Variants in NALF1 observed in about 807,000 individuals in gnomAD.
NALF1 encodes the protein NALCN channel auxiliary factor 1, also known as family with sequence similarity 155 member A.
A neutral mutation model predicts 48.4 loss-of-function variants in NALF1; 3 were observed. The ratio of observed to expected loss-of-function variants is 0.06; its 90% CI spans 0.03 to 0.16. NALF1 has a LOEUF of 0.16. Ranked by LOEUF, NALF1 falls within the 10% of genes least tolerant of loss-of-function variation. The pLI is 1.00. For synonymous variants in NALF1, 262 were observed against 245.7 expected (o/e 1.07, Z -0.62); for missense variants, 526 against 571.5 (o/e 0.92, Z 0.81).
chr13:107,326,098 T>TA (rs1335834077), intron 1 of NALF1, among the ~76,000 whole-genome samples: 5 of 151,066 alleles, frequency 3.3e-5, no homozygotes, highest in South Asian at 2.1e-4. Context: ...AACAATTTTT[T>TA]TAAAAAAATC....
intron 1 of NALF1, among the ~76,000 whole-genome samples, chr13:107,773,201 A>T (rs1315898087): frequency 6.6e-6 from 1 of 152,182 alleles, no homozygotes; most frequent in Non-Finnish European, 1.5e-5. Context: ...AGTCTGACAT[A>T]TTTTACCTTG....
intron 1 of NALF1, among the ~76,000 whole-genome samples, chr13:107,790,359 C>T (rs1878195327): frequency 6.6e-6 from 1 of 151,952 alleles, no homozygotes; most frequent in African/African-American, 2.4e-5. Flanking sequence ...TTGAAGAAAG[C>T]ATAAAGGGTG....
At chr13:107,662,820 C>T (rs112545188) in intron 1 of NALF1, among the ~76,000 whole-genome samples, 74 of 152,206 alleles carry the variant, frequency 4.9e-4, no homozygotes, top group African/African-American at 1.7e-3. Flanking sequence ...TTTACAGAGG[C>T]TCAATGAACA....
chr13:107,196,190 C>T (rs1879388041), intron 2 of NALF1, among the ~76,000 whole-genome samples: 1 of 152,136 alleles, frequency 6.6e-6, no homozygotes, highest in Middle Eastern at 3.2e-3. Flanking sequence ...GGAAAAATAA[C>T]TAATGGGTAC....
At chr13:107,620,056 C>T (rs1228983775) in intron 1 of NALF1, among the ~76,000 whole-genome samples, 1 of 152,024 alleles carries the variant, frequency 6.6e-6, no homozygotes, top group East Asian at 1.9e-4. Context: ...TGGTGTTTTC[C>T]AATTGGCTTT....
At chr13:107,627,185 T>C (rs1879696546) in intron 1 of NALF1, among the ~76,000 whole-genome samples, 1 of 152,122 alleles carries the variant, frequency 6.6e-6, no homozygotes. Flanking sequence ...AGGAAAGTTT[T>C]AATTACATAG....
At chr13:107,299,468 T>C (rs1281196934) in intron 1 of NALF1, among the ~76,000 whole-genome samples, 1 of 59,210 alleles carries the variant, frequency 1.7e-5, no homozygotes, top group Non-Finnish European at 4.8e-5. Flanking sequence ...ATAATAATAA[T>C]AATAAATAAA....
intron 1 of NALF1, among the ~76,000 whole-genome samples, chr13:107,283,131 C>T (rs1056905883): frequency 3.3e-5 from 5 of 152,080 alleles, no homozygotes; most frequent in Admixed American, 6.5e-5. Context: ...ACATTGGCCG[C>T]ACTGAGATTA....
chr13:107,710,979 T>G (rs1217762457), intron 1 of NALF1, among the ~76,000 whole-genome samples: 2 of 151,962 alleles, frequency 1.3e-5, no homozygotes, highest in East Asian at 3.9e-4. Flanking sequence ...TGAGTCTTAT[T>G]TGCTTGGGAA....
At chr13:107,738,893 A>G (rs949138270) in intron 1 of NALF1, among the ~76,000 whole-genome samples, 1 of 151,932 alleles carries the variant, frequency 6.6e-6, no homozygotes, top group African/African-American at 2.4e-5. Flanking sequence ...CAAACTCCCG[A>G]CCTCGTGATC....
chr13:107,672,910 G>A (rs753493602), intron 1 of NALF1, among the ~76,000 whole-genome samples: 1 of 151,810 alleles, frequency 6.6e-6, no homozygotes, highest in Admixed American at 6.6e-5. Flanking sequence ...TTCTCCCCGC[G>A]CCCCCACCGC....
chr13:107,679,716 T>TGTC (rs1881228432), intron 1 of NALF1, among the ~76,000 whole-genome samples: 2 of 152,132 alleles, frequency 1.3e-5, no homozygotes, highest in Non-Finnish European at 2.9e-5. Flanking sequence ...CAACCTGGCC[T>TGTC]TCCCTGGTGC....
In NALF1 at chr13:107,676,875, C is replaced by T. The variant is rs113841445; in HGVS notation, c.915+188807G>A. The stretch of plus-strand genomic sequence containing the variant: ...AATCATCTCAATAAAGTCAAAGAAA[C>T]GAAGGAGAATAGAATAATAAAATAC... On this transcript the variant is annotated intron_variant, in intron 1 of 2. Transcript: ENST00000375915. Among the ~76,000 whole-genome samples, 38 of 151,978 alleles carry T rather than the reference C, an allele frequency of 2.5e-4. No homozygotes were observed. The South Asian group carries it at 6.0e-3, about 24-fold the overall frequency.
intron 1 of NALF1, among the ~76,000 whole-genome samples, chr13:107,261,773 C>A (rs1399866772): frequency 6.6e-6 from 1 of 152,126 alleles, no homozygotes; most frequent in Non-Finnish European, 1.5e-5. Flanking sequence ...TAGAGATGAA[C>A]CTGCCTCTAG....
At chr13:107,747,239 C>T (rs1375540868) in intron 1 of NALF1, among the ~76,000 whole-genome samples, 1 of 152,162 alleles carries the variant, frequency 6.6e-6, no homozygotes, top group Non-Finnish European at 1.5e-5. Flanking sequence ...ATTTGCTATT[C>T]CTGATGGTGA....
intron 1 of NALF1, among the ~76,000 whole-genome samples, chr13:107,821,466 T>G (rs914271707): frequency 9.2e-5 from 14 of 152,332 alleles, no homozygotes; most frequent in Middle Eastern, 3.4e-3. Flanking sequence ...TTTGAGATGA[T>G]GCATGAGGAG....
At chr13:107,315,893 A>G (rs1283614677) in intron 1 of NALF1, among the ~76,000 whole-genome samples, 1 of 149,482 alleles carries the variant, frequency 6.7e-6, no homozygotes, top group East Asian at 2.0e-4. Context: ...ATAGATATAT[A>G]TATATATTTA....
intron 1 of NALF1, among the ~76,000 whole-genome samples, chr13:107,354,931 T>C (rs761266260): frequency 6.6e-6 from 1 of 152,112 alleles, no homozygotes; most frequent in Admixed American, 6.5e-5. Context: ...GAGAACGTGA[T>C]CACCCACCCT....
intron 1 of NALF1, among the ~76,000 whole-genome samples, chr13:107,654,096 G>C (rs946605830): frequency 2.6e-5 from 4 of 151,964 alleles, no homozygotes; most frequent in African/African-American, 9.7e-5. Context: ...GACACAAAAA[G>C]CTGGTTCTTT....
Sources: allele counts gnomAD v4.1 joint callset (sites outside exome capture counted in the v4.1 genomes callset), GRCh38; gene constraint gnomAD v4.1.1; transcripts MANE v1.5; gene names NCBI Gene and HGNC (gene_info 2026-07-23, HGNC 2026-07-21).